Variants in MEIS2 observed in about 807,000 individuals in gnomAD.
MEIS2 encodes the protein homeobox protein Meis2.
Under a neutral mutation model 58.6 loss-of-function variants are expected in MEIS2, and 9 were observed. That is an observed-to-expected ratio of 0.15 (90% CI 0.09 to 0.27). The LOEUF (loss-of-function observed/expected upper bound fraction) is 0.27. Ranked by LOEUF, MEIS2 falls within the 10% of genes least tolerant of loss-of-function variation. The pLI, the probability that MEIS2 is intolerant of heterozygous loss-of-function variation, is 1.00. For missense variants in MEIS2, 427 were observed against 635.0 expected (o/e 0.67, Z 3.52); for synonymous variants, 221 against 228.4 (o/e 0.97, Z 0.29).
At chr15:37,086,229 G>A (rs1596107262) in intron 6 of MEIS2, among the ~76,000 whole-genome samples, 2 of 152,034 alleles carry the variant, frequency 1.3e-5, no homozygotes, top group Admixed American at 6.6e-5. Flanking sequence ...TTATATAATC[G>A]TTTATATGAA....
chr15:37,077,897 A>T (rs552400570), intron 7 of MEIS2, among the ~76,000 whole-genome samples: 1 of 152,126 alleles, frequency 6.6e-6, no homozygotes, highest in African/African-American at 2.4e-5. Context: ...GATGAACTGC[A>T]TCTAACACGC....
At chr15:37,050,773 T>C (rs2062884850) in intron 7 of MEIS2, 1 of 152,218 alleles carries the variant, frequency 6.6e-6, no homozygotes, top group Non-Finnish European at 1.5e-5. Flanking sequence ...GCATGAGTTT[T>C]GGAATAAAAC....
chr15:37,045,085 A>G (rs995663373), intron 7 of MEIS2, among the ~76,000 whole-genome samples: 1 of 152,154 alleles, frequency 6.6e-6, no homozygotes, highest in African/African-American at 2.4e-5. Context: ...CACTGTGTGC[A>G]TATATGCAGA....
intron 8 of MEIS2, among the ~76,000 whole-genome samples, chr15:36,992,912 T>G (rs115407564): frequency 0.015 from 2,224 of 152,292 alleles, 65 homozygotes; most frequent in African/African-American, 0.051. Flanking sequence ...TAACTTTGGA[T>G]AGAAAACATA....
chr15:36,918,044 T>C (rs2057352346), intron 9 of MEIS2, among the ~76,000 whole-genome samples: 1 of 152,212 alleles, frequency 6.6e-6, no homozygotes, highest in Non-Finnish European at 1.5e-5. Context: ...TTATTCAGTG[T>C]CTGCTGCCTA....
At chr15:36,894,805 C>T in intron 11 of MEIS2, 2 of 1,611,790 alleles carry the variant, frequency 1.2e-6, no homozygotes, top group Non-Finnish European at 1.7e-6. Context: ...CCATTCCACT[C>T]ATAGGTCCTA....
At chr15:36,995,760 AAGAAAG>A (rs1186103023) in intron 8 of MEIS2, among the ~76,000 whole-genome samples, 6 of 132,430 alleles carry the variant, frequency 4.5e-5, no homozygotes, top group African/African-American at 7.9e-5. Flanking sequence ...GAAAGAAAGA[AAGAAAG>A]AAAAAAAACC....
intron 8 of MEIS2, among the ~76,000 whole-genome samples, chr15:37,000,856 G>A (rs949801603): frequency 6.6e-6 from 1 of 152,066 alleles, no homozygotes; most frequent in African/African-American, 2.4e-5. Context: ...CCCCTCCCAA[G>A]CTAGGATCCT....
chr15:37,072,455 A>G (rs1242145661), intron 7 of MEIS2, among the ~76,000 whole-genome samples: 6 of 152,096 alleles, frequency 3.9e-5, no homozygotes, highest in Admixed American at 3.9e-4. Context: ...TAGTGTGGTA[A>G]AAAAGGATCT....
intron 8 of MEIS2, among the ~76,000 whole-genome samples, chr15:37,012,485 A>G (rs1313769065): frequency 6.6e-6 from 1 of 152,234 alleles, no homozygotes; most frequent in African/African-American, 2.4e-5. Context: ...AAAGTAGTCC[A>G]CAGGTGACGT....
chr15:36,980,747 A>C (rs2059905274), intron 8 of MEIS2, among the ~76,000 whole-genome samples: 1 of 152,152 alleles, frequency 6.6e-6, no homozygotes. Context: ...GAATCAAATG[A>C]CATAATCCAT....
intron 7 of MEIS2, among the ~76,000 whole-genome samples, chr15:37,067,085 ACT>A (rs1295304656): frequency 1.4e-5 from 2 of 143,090 alleles, no homozygotes; most frequent in Admixed American, 1.4e-4. Context: ...CCAGCAACTA[ACT>A]CTTTTTTTTT....
intron 9 of MEIS2, among the ~76,000 whole-genome samples, chr15:36,940,114 G>A (rs543432686): frequency 5.9e-5 from 9 of 152,174 alleles, no homozygotes; most frequent in Non-Finnish European, 8.8e-5. Flanking sequence ...AAGTATGGAT[G>A]TGCCTTATCT....
At chr15:37,022,170 T>G (rs2061547241) in intron 8 of MEIS2, among the ~76,000 whole-genome samples, 1 of 152,198 alleles carries the variant, frequency 6.6e-6, no homozygotes, top group African/African-American at 2.4e-5. Flanking sequence ...TTAGTTGTTT[T>G]CTTTTTTTAA....
intron 9 of MEIS2, among the ~76,000 whole-genome samples, chr15:36,932,666 G>A (rs1356341688): frequency 6.6e-6 from 1 of 152,114 alleles, no homozygotes; most frequent in Non-Finnish European, 1.5e-5. Context: ...GTGCATGTGT[G>A]TGTGCACGTG....
At chr15:37,065,097 T>C (rs1225635810) in intron 7 of MEIS2, among the ~76,000 whole-genome samples, 2 of 152,182 alleles carry the variant, frequency 1.3e-5, no homozygotes, top group Non-Finnish European at 2.9e-5. Flanking sequence ...AACTAGAGAT[T>C]AGAAGTACTT....
chr15:36,911,448 G>C (rs891461948), intron 9 of MEIS2, among the ~76,000 whole-genome samples: 3 of 152,134 alleles, frequency 2.0e-5, no homozygotes, highest in Non-Finnish European at 2.9e-5. Flanking sequence ...GCATGTAGAA[G>C]GTAGGAGGAG....
chr15:37,075,291 C>T lies in MEIS2; in HGVS notation c.754+8480G>A, dbSNP rs540917093. 4.6e-5 allele frequency among the ~76,000 whole-genome samples: 7 copies of T among 152,120 alleles called. No individual in the cohort carries two copies. In the South Asian group the frequency reaches 1.0e-3, roughly 23 times the overall value. Reference sequence around the variant, plus strand: ...AAGACATTAAAGGACAAATAAGTCCCATTTTAAGTACTATCTTAAAGTAAT... The same window carrying T: ...AAGACATTAAAGGACAAATAAGTCCTATTTTAAGTACTATCTTAAAGTAAT... On this transcript the variant is annotated intron_variant, in intron 7 of 11. Coordinates refer to ENST00000561208, the MANE Select transcript of MEIS2 (RefSeq NM_170675.5).
rs966990814 is a variant in MEIS2, at chr15:36,891,873, G to A, written c.*300C>T. 11 of 405,690 alleles carry A rather than the reference G, an allele frequency of 2.7e-5. No homozygotes were observed. The highest frequency in any genetic ancestry group is 2.5e-4 in the Admixed American group (6 of 23,746). The allele number at this position is 405,690 out of a possible 1,614,324, so 25.1% of individuals were successfully genotyped here. On this transcript the variant is annotated 3_prime_UTR_variant, in exon 12 of 12. Transcript: ENST00000561208. ...CTAAAACTATTTGAGGCAACATAAC[G>A]GCGTGATCAACAGAAATGTACAAGT...
Sources: allele counts gnomAD v4.1 joint callset (sites outside exome capture counted in the v4.1 genomes callset), GRCh38; gene constraint gnomAD v4.1.1; transcripts MANE v1.5; gene names NCBI Gene and HGNC (gene_info 2026-07-23, HGNC 2026-07-21).